CAMK1D: variants seen among roughly 807,000 people sequenced by gnomAD.
CAMK1D encodes calcium/calmodulin dependent protein kinase ID.
Under a neutral mutation model 47.7 loss-of-function variants are expected in CAMK1D, and 9 were observed. The ratio of observed to expected loss-of-function variants is 0.19; its 90% confidence interval spans 0.11 to 0.33. The LOEUF is 0.33. CAMK1D is among the 10% of genes least tolerant of loss of function. CAMK1D has a pLI of 1.00. For synonymous variants in CAMK1D, 184 were observed against 184.9 expected (o/e 0.99, Z 0.04); for missense variants, 291 against 488.7 (o/e 0.60, Z 3.81).
intron 10 of CAMK1D, among the ~76,000 whole-genome samples, chr10:12,827,244 C>G (rs1290953047): frequency 6.7e-6 from 1 of 149,552 alleles, no homozygotes; most frequent in African/African-American, 2.5e-5. Flanking sequence ...TCCCTCCCTC[C>G]CTTCTTTCTT....
At chr10:12,495,289 C>T (rs561367548) in intron 1 of CAMK1D, among the ~76,000 whole-genome samples, 4 of 152,244 alleles carry the variant, frequency 2.6e-5, no homozygotes, top group Admixed American at 6.5e-5. Flanking sequence ...CAGATTCAGG[C>T]GAACATCCAT....
intron 1 of CAMK1D, among the ~76,000 whole-genome samples, chr10:12,364,194 G>C (rs977465172): frequency 1.4e-5 from 2 of 141,860 alleles, no homozygotes; most frequent in African/African-American, 4.9e-5. Context: ...TTGCTAAGAG[G>C]CATGTAGAAA....
intron 1 of CAMK1D, among the ~76,000 whole-genome samples, chr10:12,472,477 C>T (rs1463748800): frequency 7.5e-6 from 1 of 133,334 alleles, no homozygotes; most frequent in Non-Finnish European, 1.6e-5. Context: ...CTCCCTTCAT[C>T]CCTAGTCACT....
chr10:12,509,051 G>C (rs184032439), intron 1 of CAMK1D, among the ~76,000 whole-genome samples: 163 of 150,362 alleles, frequency 1.1e-3, no homozygotes, highest in Non-Finnish European at 1.6e-3. Flanking sequence ...TGTGGGGACA[G>C]AGTCTTGACC....
intron 2 of CAMK1D, among the ~76,000 whole-genome samples, chr10:12,563,154 G>A (rs1200459658): frequency 3.9e-5 from 6 of 152,252 alleles, no homozygotes; most frequent in Non-Finnish European, 8.8e-5. Flanking sequence ...TGGGAACCAG[G>A]GGAGCCGACG....
rs150994487 is a variant in CAMK1D at position 12,464,258 on chromosome 10, G to A, written c.93-88967G>A. 4.1e-3 allele frequency among the ~76,000 whole-genome samples: 622 copies of A among 152,254 alleles called. 1 individual carries two copies. Among genetic ancestry groups the A allele is most frequent in the Non-Finnish European group, 6.7e-3 (456 of 68,010 alleles). On this transcript the variant is annotated intron_variant, in intron 1 of 10. Transcript: ENST00000619168. ...GACACTCTGCAGATACCTAGCAGAG[G>A]CCTCGGCAGGTGGGTCTTCCATCAG...
chr10:12,400,944 C>T (rs541920367), intron 1 of CAMK1D, among the ~76,000 whole-genome samples: 7 of 146,482 alleles, frequency 4.8e-5, no homozygotes, highest in African/African-American at 1.8e-4. Flanking sequence ...TAGCGAGGCC[C>T]CTGTCTCTAC....
intron 8 of CAMK1D, among the ~76,000 whole-genome samples, chr10:12,823,638 G>A (rs1833094036): frequency 6.6e-6 from 1 of 151,900 alleles, no homozygotes; most frequent in South Asian, 2.1e-4. Context: ...CAGGAGAGAA[G>A]GCCAGGAGCA....
chr10:12,561,644 T>C lies in CAMK1D; in HGVS notation c.224+8288T>C, dbSNP rs147927560. On this transcript the variant is annotated intron_variant, in intron 2 of 10. Coordinates refer to ENST00000619168, the MANE Select transcript of CAMK1D (RefSeq NM_153498.4). ...CCATTATTTGGTGATCGTTGTTTAT[T>C]TCATCCTAACTGTGCATGTCTGTAA... Among the ~76,000 whole-genome samples, 3 of 152,354 alleles carry C rather than the reference T, an allele frequency of 2.0e-5. No individual in the cohort carries two copies. The East Asian group carries it at 5.8e-4, about 29-fold the overall frequency.
intron 5 of CAMK1D, among the ~76,000 whole-genome samples, chr10:12,777,468 G>A (rs563741958): frequency 6.6e-6 from 1 of 151,002 alleles, no homozygotes; most frequent in Admixed American, 6.6e-5. Flanking sequence ...TGCCTCCTGG[G>A]TTCAAGCGAT....
chr10:12,656,506 AAAG>A (rs1840119383), intron 2 of CAMK1D, among the ~76,000 whole-genome samples: 3 of 152,150 alleles, frequency 2.0e-5, no homozygotes, highest in Admixed American at 1.3e-4. Context: ...AAAAAAGAGA[AAAG>A]AAAAAAACCG....
Position 12,824,521 on chromosome 10 carries a change from TC to T in CAMK1D, c.892del (p.Arg298GlyfsTer22). On this transcript the variant is annotated frameshift_variant, in exon 9 of 11. Coordinates refer to ENST00000619168, the MANE Select transcript of CAMK1D (RefSeq NM_153498.4). LOFTEE classifies it high-confidence loss of function. ...ATCCACGAGTCCGTCAGCGCCCAGA[TC>T]CGGAAAAACTTTGCCAAGAGCAAAT... ...KNIHESVSAQ[I>X]RKNFAKSKWR... 1 of 1,614,012 alleles carries T rather than the reference TC, an allele frequency of 6.2e-7. No individual in the cohort carries two copies. The highest frequency in any genetic ancestry group is 8.5e-7 in the Non-Finnish European group (1 of 1,180,002).
At chr10:12,781,469 C>G (rs1837489000) in intron 5 of CAMK1D, among the ~76,000 whole-genome samples, 1 of 152,192 alleles carries the variant, frequency 6.6e-6, no homozygotes, top group African/African-American at 2.4e-5. Context: ...AGCTTCTACT[C>G]CCTCCCCGTT....
At chr10:12,460,868 C>A (rs1048714704) in intron 1 of CAMK1D, among the ~76,000 whole-genome samples, 11 of 152,304 alleles carry the variant, frequency 7.2e-5, no homozygotes, top group African/African-American at 2.6e-4. Flanking sequence ...CTCCTGGCCT[C>A]CCAATTCTTA....
At chr10:12,502,187 A>G (rs1834725479) in intron 1 of CAMK1D, among the ~76,000 whole-genome samples, 1 of 152,150 alleles carries the variant, frequency 6.6e-6, no homozygotes, top group Non-Finnish European at 1.5e-5. Context: ...GGAATGAGAG[A>G]CATCGCAGAC....
intron 1 of CAMK1D, among the ~76,000 whole-genome samples, chr10:12,406,929 A>G (rs563623251): frequency 6.6e-6 from 1 of 152,080 alleles, no homozygotes; most frequent in South Asian, 2.1e-4. Context: ...GAGGCCACCT[A>G]GGGTGACGTC....
At chr10:12,565,025 A>G (rs9424165) in intron 2 of CAMK1D, among the ~76,000 whole-genome samples, 64,918 of 151,992 alleles carry the variant, frequency 0.43, 14,676 homozygotes, top group East Asian at 0.74. Context: ...CCTGGACAAC[A>G]TAACAAGACC....
At chr10:12,810,660 G>A (rs1360032107) in intron 6 of CAMK1D, among the ~76,000 whole-genome samples, 1 of 152,222 alleles carries the variant, frequency 6.6e-6, no homozygotes, top group Non-Finnish European at 1.5e-5. Flanking sequence ...ACTTGCAGAT[G>A]CAGGGGCAGG....
chr10:12,404,086 C>A (rs1839327292), intron 1 of CAMK1D, among the ~76,000 whole-genome samples: 1 of 151,270 alleles, frequency 6.6e-6, no homozygotes, highest in Non-Finnish European at 1.5e-5. Context: ...GCTCTTGTTG[C>A]CCCAGCTGGA....
Sources: allele counts gnomAD v4.1 joint callset (sites outside exome capture counted in the v4.1 genomes callset), GRCh38; gene constraint gnomAD v4.1.1; transcripts MANE v1.5; gene names NCBI Gene and HGNC (gene_info 2026-07-23, HGNC 2026-07-21).